ATXN1: variants seen among roughly 807,000 people sequenced by gnomAD.
ATXN1 encodes the protein ataxin 1, also known as ataxin-1.
Under a neutral mutation model 56.4 loss-of-function variants are expected in ATXN1, and 8 were observed. The ratio of observed to expected loss-of-function variants is 0.14; its 90% CI spans 0.08 to 0.26. The LOEUF is 0.26. Among genes scored for constraint, ATXN1 ranks in the 10% least tolerant of loss-of-function variants. The probability of loss-of-function intolerance (pLI) is 1.00; values close to 1 mark genes in which losing one functional copy is unlikely to be tolerated. For missense variants in ATXN1, 987 were observed against 1,106.5 expected (o/e 0.89, Z 1.53); for synonymous variants, 514 against 494.6 (o/e 1.04, Z -0.52).
intron 2 of ATXN1, among the ~76,000 whole-genome samples, chr6:16,661,372 C>T (rs966453602): frequency 2.0e-5 from 3 of 151,942 alleles, no homozygotes; most frequent in African/African-American, 4.8e-5. Flanking sequence ...TGTAAAGATA[C>T]CGACTTTTAA....
At chr6:16,701,177 A>C (rs1008722196) in intron 2 of ATXN1, among the ~76,000 whole-genome samples, 1 of 152,192 alleles carries the variant, frequency 6.6e-6, no homozygotes, top group African/African-American at 2.4e-5. Flanking sequence ...ACAAAGAAAG[A>C]GACAGAGGAA....
chr6:16,347,316 GGA>G (rs1761437778), intron 6 of ATXN1, among the ~76,000 whole-genome samples: 2 of 152,380 alleles, frequency 1.3e-5, no homozygotes, highest in African/African-American at 4.8e-5. Context: ...GTGGGGCCTT[GGA>G]GAACCTTTAT....
intron 5 of ATXN1, among the ~76,000 whole-genome samples, chr6:16,487,023 CCACA>C (rs1760561156): frequency 6.6e-6 from 1 of 152,058 alleles, no homozygotes; most frequent in Non-Finnish European, 1.5e-5. Context: ...TTAATATTTT[CCACA>C]CCTGGATTTC....
In ATXN1 at chr6:16,347,360, A is replaced by G. The variant is rs368139235; in HGVS notation, c.-160-18890T>C. 3.6e-4 allele frequency among the ~76,000 whole-genome samples: 54 copies of G among 151,840 alleles called. 1 individual carries two copies. Among genetic ancestry groups the G allele is most frequent in the African/African-American group, 7.5e-4 (31 of 41,242 alleles). On this transcript the variant is annotated intron_variant, in intron 6 of 7. Transcript: ENST00000436367. ...CTAAGGGATTTTAAATACACCAATCAGCACTCTATATCTAGCTCAAGGTTT... is the reference window on the plus strand; with the variant it reads ...CTAAGGGATTTTAAATACACCAATCGGCACTCTATATCTAGCTCAAGGTTT...
intron 6 of ATXN1, among the ~76,000 whole-genome samples, chr6:16,358,207 T>C (rs910893341): frequency 2.0e-5 from 3 of 152,230 alleles, no homozygotes; most frequent in African/African-American, 7.2e-5. Flanking sequence ...TTTACATTGC[T>C]GGTGGGAATG....
rs536816375 is a variant in ATXN1 at position 16,371,528 on chromosome 6, C to A, written c.-160-43058G>T. 1.8e-4 allele frequency among the ~76,000 whole-genome samples: 27 copies of A among 152,018 alleles called. No individual in the cohort carries two copies. The East Asian group carries it at 4.8e-3, about 27-fold the overall frequency. On this transcript the variant is annotated intron_variant, in intron 6 of 7. Transcript: ENST00000436367. ...TTAATCTGCTCTTAAAAAAAAGAAA[C>A]CAATATTTGACCTGAATTGATACAA...
chr6:16,752,584 G>A (rs1176733919), intron 2 of ATXN1, among the ~76,000 whole-genome samples: 4 of 152,144 alleles, frequency 2.6e-5, no homozygotes, highest in African/African-American at 9.7e-5. Context: ...AAACCCTTGT[G>A]TTCCCAAGCC....
intron 6 of ATXN1, among the ~76,000 whole-genome samples, chr6:16,359,005 C>T (rs991247100): frequency 3.9e-5 from 6 of 152,230 alleles, no homozygotes; most frequent in Non-Finnish European, 7.3e-5. Flanking sequence ...AGGACCTGGG[C>T]GTCTCTGCAG....
In ATXN1 at chr6:16,506,757, T is replaced by A. The variant is rs1760988083; in HGVS notation, c.-299+15870A>T. 6.6e-6 allele frequency among the ~76,000 whole-genome samples: 1 copy of A among 152,182 alleles called. No homozygotes were observed. The highest frequency in any genetic ancestry group is 2.1e-4 in the South Asian group (1 of 4,826). On this transcript the variant is annotated intron_variant, in intron 5 of 7. Transcript: ENST00000436367. The surrounding 1 kb of genome is among the most constrained non-coding windows in gnomAD (Gnocchi z 4.1). The stretch of plus-strand genomic sequence containing the variant: ...GGCCTGATTAGGAAACAAAAGCTTA[T>A]AACTTTGCAGCAAGAGGGGAAAACA...
intron 6 of ATXN1, among the ~76,000 whole-genome samples, chr6:16,426,638 G>C (rs1389549369): frequency 6.6e-6 from 1 of 150,388 alleles, no homozygotes; most frequent in Non-Finnish European, 1.5e-5. Context: ...AGAGAGAGAG[G>C]CAGAGAGAAG....
intron 4 of ATXN1, among the ~76,000 whole-genome samples, chr6:16,561,000 A>C (rs1762105653): frequency 6.6e-6 from 1 of 152,294 alleles, no homozygotes; most frequent in Non-Finnish European, 1.5e-5. Flanking sequence ...TAATTAGTGG[A>C]GACAATGGGA....
At chr6:16,383,670 TG>T (rs1357802653) in intron 6 of ATXN1, among the ~76,000 whole-genome samples, 8 of 152,174 alleles carry the variant, frequency 5.3e-5, no homozygotes, top group African/African-American at 1.9e-4. Context: ...CCAGCTAGTC[TG>T]GGGACAAAAA....
At chr6:16,589,370 A>G (rs1762683584) in intron 3 of ATXN1, among the ~76,000 whole-genome samples, 1 of 151,316 alleles carries the variant, frequency 6.6e-6, no homozygotes, top group Non-Finnish European at 1.5e-5. Flanking sequence ...TAACAACAAC[A>G]AAAAAAAGAA....
chr6:16,357,973 G>A (rs1362382680), intron 6 of ATXN1, among the ~76,000 whole-genome samples: 2 of 152,206 alleles, frequency 1.3e-5, no homozygotes, highest in African/African-American at 2.4e-5. Flanking sequence ...AAAGGACCAA[G>A]AGTAGGTAAG....
chr6:16,515,719 C>A (rs1283749013), intron 5 of ATXN1, among the ~76,000 whole-genome samples: 1 of 152,124 alleles, frequency 6.6e-6, no homozygotes, highest in African/African-American at 2.4e-5. Flanking sequence ...ATATGCGTGG[C>A]CCCTGTCTGG....
chr6:16,660,125 T>C (rs1758286432), intron 2 of ATXN1, among the ~76,000 whole-genome samples: 1 of 152,246 alleles, frequency 6.6e-6, no homozygotes, highest in Non-Finnish European at 1.5e-5. Flanking sequence ...ACACTTCTTT[T>C]TAAGCAATAA....
intron 2 of ATXN1, among the ~76,000 whole-genome samples, chr6:16,671,309 CTT>C (rs1004376884): frequency 6.7e-4 from 20 of 29,648 alleles, no homozygotes; most frequent in Admixed American, 7.9e-4. Context: ...TCTTTTCTTT[CTT>C]TTTTTTTTTT....
At position 16,349,427 on chromosome 6, in the gene ATXN1, C is replaced by T. The variant is rs189393773; in HGVS notation, c.-160-20957G>A. 1.7e-4 allele frequency among the ~76,000 whole-genome samples: 26 copies of T among 151,978 alleles called. No homozygotes were observed. The South Asian group carries it at 2.7e-3, about 16-fold the overall frequency. On this transcript the variant is annotated intron_variant, in intron 6 of 7. Transcript: ENST00000436367. ...CTGAGGCAGAAGAATCACTTGAACC[C>T]GGGAGGCAGAGGTTGCAGTGAGCTG...
At chr6:16,451,947 C>T (rs1455329097) in intron 6 of ATXN1, among the ~76,000 whole-genome samples, 2 of 152,156 alleles carry the variant, frequency 1.3e-5, no homozygotes, top group African/African-American at 4.8e-5. Context: ...AGAGAAGTTT[C>T]CTCTGCATAT....
Sources: gnomAD v4.1 joint callset for allele counts (sites outside exome capture counted in the v4.1 genomes callset) on GRCh38, gnomAD v4.1.1 for gene constraint, Gnocchi (gnomAD v3.1) non-coding constraint, MANE v1.5 for transcripts, NCBI Gene and HGNC (gene_info 2026-07-23, HGNC 2026-07-21) for gene names.